Variants in FGGY observed in about 807,000 individuals in gnomAD.
FGGY encodes FGGY carbohydrate kinase domain containing.
In FGGY, 72 loss-of-function variants were observed where a neutral mutation model predicts 71.3. The observed-to-expected ratio is 1.01, with a 90% CI of 0.84 to 1.23. The LOEUF (loss-of-function observed/expected upper bound fraction) is 1.23, where lower values mean the gene tolerates loss of function less well. Ranked by LOEUF, FGGY falls within the 50% of genes most tolerant of loss-of-function variation. The pLI, the probability that FGGY is intolerant of heterozygous loss-of-function variation, is 0.00. For synonymous variants in FGGY, 251 were observed against 250.3 expected, an observed-to-expected ratio of 1.00 and a Z score of -0.02; for missense variants, 668 against 682.3, an observed-to-expected ratio of 0.98 and a Z score of 0.23.
At chr1:59,350,568 A>G (rs140703980) in intron 4 of FGGY, among the ~76,000 whole-genome samples, 5 of 152,164 alleles carry the variant, frequency 3.3e-5, no homozygotes, top group Non-Finnish European at 7.4e-5. Context: ...TTCAGCAAGC[A>G]TAGCAGGAGA....
intron 4 of FGGY, among the ~76,000 whole-genome samples, chr1:59,359,105 T>TAAGTA (rs1019332742): frequency 2.6e-5 from 4 of 152,224 alleles, no homozygotes; most frequent in African/African-American, 9.6e-5. Context: ...GGAGCTTACC[T>TAAGTA]AAGTAAAGCA....
intron 9 of FGGY, among the ~76,000 whole-genome samples, chr1:59,613,478 T>G (rs928983682): frequency 6.6e-6 from 1 of 152,120 alleles, no homozygotes; most frequent in Non-Finnish European, 1.5e-5. Context: ...TACCAGAATC[T>G]CTGGGACACC....
intron 12 of FGGY, among the ~76,000 whole-genome samples, chr1:59,664,855 C>G (rs147643840): frequency 2.4e-4 from 36 of 152,086 alleles, no homozygotes; most frequent in African/African-American, 7.2e-4. Flanking sequence ...CCTAAGACCA[C>G]ATTTTTAATT....
At chr1:59,655,395 A>G (rs1222442513) in intron 11 of FGGY, among the ~76,000 whole-genome samples, 1 of 152,062 alleles carries the variant, frequency 6.6e-6, no homozygotes, top group Admixed American at 6.6e-5. Flanking sequence ...CCCCACATAC[A>G]TTAGGTATTT....
chr1:59,662,340 G>A (rs2097284549), intron 12 of FGGY, among the ~76,000 whole-genome samples: 1 of 150,302 alleles, frequency 6.7e-6, no homozygotes, highest in African/African-American at 2.4e-5. Flanking sequence ...AAAAAAGAGA[G>A]AGATTTTATA....
chr1:59,364,171 T>C (rs756974163), intron 4 of FGGY, among the ~76,000 whole-genome samples: 1 of 152,192 alleles, frequency 6.6e-6, no homozygotes, highest in Non-Finnish European at 1.5e-5. Context: ...CAACATTTGA[T>C]GGAGCACTCT....
chr1:59,593,530 G>A (rs1449137641), intron 8 of FGGY, among the ~76,000 whole-genome samples: 1 of 152,122 alleles, frequency 6.6e-6, no homozygotes. Context: ...ACCGGCTTGT[G>A]ATAATTATAA....
chr1:59,415,236 G>T (rs1294717897), intron 5 of FGGY, among the ~76,000 whole-genome samples: 1 of 151,958 alleles, frequency 6.6e-6, no homozygotes, highest in Non-Finnish European at 1.5e-5. Context: ...ATTTGGAAAA[G>T]GCTGAAAGAA....
At chr1:59,633,853 G>A (rs1355830384) in intron 10 of FGGY, among the ~76,000 whole-genome samples, 1 of 152,150 alleles carries the variant, frequency 6.6e-6, no homozygotes, top group Non-Finnish European at 1.5e-5. Flanking sequence ...TAAGAAAATG[G>A]TGAAAGACAG....
chr1:59,532,160 G>T (rs2095163657), intron 7 of FGGY, among the ~76,000 whole-genome samples: 1 of 152,184 alleles, frequency 6.6e-6, no homozygotes, highest in Admixed American at 6.5e-5. Flanking sequence ...GATCTGGGAA[G>T]TAGAAAAAGA....
intron 7 of FGGY, among the ~76,000 whole-genome samples, chr1:59,526,676 T>C (rs1343576880): frequency 2.6e-5 from 4 of 152,212 alleles, no homozygotes; most frequent in Non-Finnish European, 5.9e-5. Context: ...GTGCAGAGGC[T>C]CAGGGACGTT....
At chr1:59,451,120 G>C (rs952655388) in intron 5 of FGGY, among the ~76,000 whole-genome samples, 9 of 151,668 alleles carry the variant, frequency 5.9e-5, no homozygotes, top group Non-Finnish European at 1.2e-4. Flanking sequence ...TGGTTTATTG[G>C]TTTCACTGGC....
chr1:59,325,442 C>T (rs1352862487), intron 2 of FGGY, among the ~76,000 whole-genome samples: 2 of 152,160 alleles, frequency 1.3e-5, no homozygotes, highest in African/African-American at 4.8e-5. Context: ...TGACTTCTGA[C>T]AGTCTATGCC....
chr1:59,585,637 A>T (rs2096272069), intron 8 of FGGY, among the ~76,000 whole-genome samples: 2 of 152,224 alleles, frequency 1.3e-5, no homozygotes, highest in African/African-American at 4.8e-5. Context: ...AAAACACCAA[A>T]AGCAATGGCA....
chr1:59,585,920 T>C (rs1288368692), intron 8 of FGGY, among the ~76,000 whole-genome samples: 1 of 152,134 alleles, frequency 6.6e-6, no homozygotes, highest in Non-Finnish European at 1.5e-5. Flanking sequence ...AAAATGCTCA[T>C]CATCACTGGC....
chr1:59,689,500 G>A (rs2097572338), intron 14 of FGGY, among the ~76,000 whole-genome samples: 1 of 151,906 alleles, frequency 6.6e-6, no homozygotes, highest in Non-Finnish European at 1.5e-5. Flanking sequence ...TTTTTGCTCA[G>A]TATTCCCTTA....
chr1:59,533,267 C>T (rs2095209564), intron 7 of FGGY, among the ~76,000 whole-genome samples: 1 of 152,204 alleles, frequency 6.6e-6, no homozygotes, highest in African/African-American at 2.4e-5. Flanking sequence ...AATCGGGTGA[C>T]TCCCACCCGA....
chr1:59,692,471 A>C (rs2097598775), intron 14 of FGGY, among the ~76,000 whole-genome samples: 1 of 152,188 alleles, frequency 6.6e-6, no homozygotes, highest in Admixed American at 6.5e-5. Flanking sequence ...TCAGAGATGA[A>C]TTGAACCAAA....
chr1:59,711,349 T>C (rs1346710463), intron 14 of FGGY, among the ~76,000 whole-genome samples: 1 of 151,866 alleles, frequency 6.6e-6, no homozygotes, highest in Non-Finnish European at 1.5e-5. Context: ...AGACAACGGG[T>C]CGGTGGGTAC....
Sources: gnomAD v4.1 joint callset for allele counts (sites outside exome capture counted in the v4.1 genomes callset) on GRCh38, gnomAD v4.1.1 for gene constraint, MANE v1.5 for transcripts, NCBI Gene and HGNC (gene_info 2026-07-23, HGNC 2026-07-21) for gene names.